PID1: variants seen among roughly 807,000 people sequenced by gnomAD.
PID1 encodes phosphotyrosine interaction domain containing 1.
Under a neutral mutation model 19.1 loss-of-function variants are expected in PID1, and 10 were observed. The observed-to-expected ratio is 0.52, with a 90% CI of 0.32 to 0.89. The LOEUF is 0.89. Among genes scored for constraint, PID1 ranks in the 40% least tolerant of loss-of-function variants. PID1 has a pLI of 0.03. For missense variants in PID1, 248 were observed against 285.3 expected, an observed-to-expected ratio of 0.87 and a Z score of 0.94; for synonymous variants, 130 against 116.0, an observed-to-expected ratio of 1.12 and a Z score of -0.78.
chr2:229,092,399 C>T (rs538903769), intron 2 of PID1, among the ~76,000 whole-genome samples: 109 of 152,258 alleles, frequency 7.2e-4, no homozygotes, highest in Admixed American at 9.2e-4. Flanking sequence ...ACTACCCAAT[C>T]CTTGTGTTTT....
intron 1 of PID1, among the ~76,000 whole-genome samples, chr2:229,214,846 A>G (rs1173073457): frequency 2.0e-5 from 3 of 151,926 alleles, no homozygotes; most frequent in Non-Finnish European, 4.4e-5. Context: ...TTTCATTTTT[A>G]TATAGATACA....
chr2:229,151,696 G>A lies in PID1; in HGVS notation c.177+4122C>T, dbSNP rs183826464. 8.1e-4 allele frequency among the ~76,000 whole-genome samples: 123 copies of A among 151,466 alleles called. 1 individual carries two copies. The East Asian group carries it at 0.021, about 26-fold the overall frequency. Reference sequence around the variant, plus strand: ...TGCCATTCTCCTGCCTCAACCTCCCGAGTAGCTGCGACGACAGGTGCCCAC... The same window carrying A: ...TGCCATTCTCCTGCCTCAACCTCCCAAGTAGCTGCGACGACAGGTGCCCAC... On this transcript the variant is annotated intron_variant, in intron 2 of 2. Transcript: ENST00000392055.
chr2:229,211,632 A>C (rs1003193768), intron 1 of PID1, among the ~76,000 whole-genome samples: 6 of 152,300 alleles, frequency 3.9e-5, no homozygotes, highest in South Asian at 2.1e-4. Context: ...TTTAATGTAC[A>C]TGTGTGAGCT....
At chr2:229,158,031 G>A (rs1332734797) in intron 1 of PID1, among the ~76,000 whole-genome samples, 1 of 152,186 alleles carries the variant, frequency 6.6e-6, no homozygotes, top group African/African-American at 2.4e-5. Flanking sequence ...ACAAAATACA[G>A]CATGAACTAG....
At chr2:229,201,328 T>G (rs1691494820) in intron 1 of PID1, among the ~76,000 whole-genome samples, 1 of 152,080 alleles carries the variant, frequency 6.6e-6, no homozygotes, top group Non-Finnish European at 1.5e-5. Flanking sequence ...CTTTCTATCT[T>G]TAGGCTTTTG....
intron 2 of PID1, among the ~76,000 whole-genome samples, chr2:229,027,083 A>C (rs191604185): frequency 6.6e-6 from 1 of 152,322 alleles, no homozygotes; most frequent in East Asian, 1.9e-4. Context: ...GAATGCGAGG[A>C]GAGAAAGACC....
chr2:229,121,272 T>A (rs1254504289), intron 2 of PID1, among the ~76,000 whole-genome samples: 1 of 152,150 alleles, frequency 6.6e-6, no homozygotes, highest in Non-Finnish European at 1.5e-5. Flanking sequence ...AGACAGTAAT[T>A]TTTGAACCTC....
intron 1 of PID1, among the ~76,000 whole-genome samples, chr2:229,246,093 C>T (rs942677880): frequency 1.3e-5 from 2 of 152,148 alleles, no homozygotes; most frequent in Admixed American, 6.5e-5. Flanking sequence ...ATAGCAATCG[C>T]TGATTCCTGT....
rs537334006 is a variant in PID1, at chr2:229,041,524, G to A, written c.178-15416C>T. 1.7e-4 allele frequency among the ~76,000 whole-genome samples: 26 copies of A among 152,262 alleles called. 1 individual carries two copies. In the South Asian group the frequency reaches 3.7e-3, roughly 22 times the overall value. ...GAGGCGATGAGACTAGAAAATCACC[G>A]TTTGACTCCCAGTGAAGTAATAAAT... is the stretch of plus-strand genomic sequence containing the variant. On this transcript the variant is annotated intron_variant, in intron 2 of 2. Transcript: ENST00000392055.
At chr2:229,153,897 T>G (rs1690311250) in intron 2 of PID1, among the ~76,000 whole-genome samples, 2 of 152,358 alleles carry the variant, frequency 1.3e-5, no homozygotes, top group African/African-American at 4.8e-5. Flanking sequence ...TGATTTCATC[T>G]TGCTTTGAGG....
chr2:229,120,737 G>A (rs1350942392), intron 2 of PID1, among the ~76,000 whole-genome samples: 1 of 152,016 alleles, frequency 6.6e-6, no homozygotes, highest in African/African-American at 2.4e-5. Context: ...CCAACATGGA[G>A]GTACTGGGGT....
At chr2:229,189,362 C>G (rs959815332) in intron 1 of PID1, among the ~76,000 whole-genome samples, 6 of 152,190 alleles carry the variant, frequency 3.9e-5, no homozygotes, top group African/African-American at 1.2e-4. Flanking sequence ...CTGTGTCAAG[C>G]ATGGTGCTTG....
intron 2 of PID1, among the ~76,000 whole-genome samples, chr2:229,076,584 C>T (rs1370435098): frequency 2.6e-5 from 4 of 152,036 alleles, no homozygotes; most frequent in South Asian, 2.1e-4. Flanking sequence ...TGATATTTCC[C>T]TCCCTGTGCC....
intron 2 of PID1, among the ~76,000 whole-genome samples, chr2:229,049,668 C>G (rs140536124): frequency 7.2e-5 from 11 of 152,176 alleles, no homozygotes; most frequent in African/African-American, 2.6e-4. Context: ...CATTTCTATC[C>G]CAAGTTTCAC....
At chr2:229,133,878 A>G (rs201566558) in intron 2 of PID1, among the ~76,000 whole-genome samples, 25 of 152,028 alleles carry the variant, frequency 1.6e-4, no homozygotes, top group African/African-American at 5.8e-4. Flanking sequence ...GGTGTGTTGC[A>G]CCCACTAACT....
chr2:229,216,924 A>T (rs1278999012), intron 1 of PID1, among the ~76,000 whole-genome samples: 1 of 152,264 alleles, frequency 6.6e-6, no homozygotes, highest in Non-Finnish European at 1.5e-5. Flanking sequence ...AAGATTTCTT[A>T]AATAAGCAGA....
intron 1 of PID1, among the ~76,000 whole-genome samples, chr2:229,240,686 A>G (rs917185743): frequency 1.3e-5 from 2 of 152,124 alleles, no homozygotes; most frequent in Admixed American, 6.6e-5. Context: ...AAAAAACAAA[A>G]GTGTAGTTTT....
At chr2:229,026,926 T>C (rs1693436512) in intron 2 of PID1, among the ~76,000 whole-genome samples, 1 of 152,228 alleles carries the variant, frequency 6.6e-6, no homozygotes, top group South Asian at 2.1e-4. Context: ...CCTTTCATTG[T>C]TTTATTCATT....
intron 2 of PID1, among the ~76,000 whole-genome samples, chr2:229,043,213 C>A (rs983209176): frequency 7.2e-5 from 11 of 152,184 alleles, no homozygotes; most frequent in African/African-American, 2.6e-4. Context: ...GCCATGTTGG[C>A]CAGGCTGATC....
Sources: gnomAD v4.1 joint callset for allele counts (sites outside exome capture counted in the v4.1 genomes callset) on GRCh38, gnomAD v4.1.1 for gene constraint, MANE v1.5 for transcripts, NCBI Gene and HGNC (gene_info 2026-07-23, HGNC 2026-07-21) for gene names.